The following KIRREL1 variants were observed in gnomAD, a reference collection of about 807,000 sequenced individuals.
The protein encoded by KIRREL1 is kirre like nephrin family adhesion molecule 1, also known as kin of IRRE-like protein 1.
A neutral mutation model predicts 83.3 loss-of-function variants in KIRREL1; 25 were observed. The ratio of observed to expected loss-of-function variants is 0.30; its 90% CI spans 0.22 to 0.42. The LOEUF (loss-of-function observed/expected upper bound fraction) is 0.42. Ranked by LOEUF, KIRREL1 falls within the 10% of genes least tolerant of loss-of-function variation. The probability of loss-of-function intolerance (pLI) is 1.00; values close to 1 mark genes in which losing one functional copy is unlikely to be tolerated. For missense variants in KIRREL1, 812 were observed against 1,032.3 expected (o/e 0.79, Z 2.92); for synonymous variants, 388 against 410.4 (o/e 0.95, Z 0.66).
At chr1:158,017,669 G>A (rs1191796935) in intron 1 of KIRREL1, among the ~76,000 whole-genome samples, 1 of 151,922 alleles carries the variant, frequency 6.6e-6, no homozygotes, top group East Asian at 1.9e-4. Flanking sequence ...TCCAGACTGG[G>A]TGACAGAGTG....
rs1380328731 is a variant in KIRREL1 at position 158,042,921 on chromosome 1, A to AAAAG, written c.53-33189_53-33188insGAAA. Among the ~76,000 whole-genome samples the AAAAG allele has an allele frequency of 1.2e-4, 18 of 150,606 alleles. No homozygotes were observed. The South Asian group carries it at 3.4e-3, about 28-fold the overall frequency. ...ACCCCGTCTCTACTAAAAAAAAAAA[A>AAAAG]AAAAAAATACAAAAAAATTAGCCGG... is the stretch of plus-strand genomic sequence containing the variant. On this transcript the variant is annotated intron_variant, in intron 1 of 14. Coordinates refer to ENST00000359209, the MANE Select transcript of KIRREL1 (RefSeq NM_018240.7).
rs1662284791 is a variant in KIRREL1 at position 158,094,162 on chromosome 1, G to A, written c.1720-151G>A. ...TCTGGCCTCTTCCCACCACATCCCAGAGCCTCTGCTGAGAGGACCAGAACT... is the reference window on the plus strand; with the variant it reads ...TCTGGCCTCTTCCCACCACATCCCAAAGCCTCTGCTGAGAGGACCAGAACT... On this transcript the variant is annotated intron_variant, in intron 13 of 14. Transcript: ENST00000359209. This position sits in a 1 kb window ranked among gnomAD's most constrained non-coding sequence, Gnocchi z 4.6. 4 of 702,972 alleles carry A rather than the reference G, an allele frequency of 5.7e-6. No individual in the cohort carries two copies. In the Admixed American group the frequency reaches 8.6e-5, roughly 15 times the overall value. 43.5% of individuals were successfully genotyped at this position (702,972 alleles called of 1,614,324 possible). A position where few individuals can be genotyped will look rare whatever the true frequency, so the allele number is the denominator to read the frequency against.
chr1:158,002,396 C>T (rs1321254539), intron 1 of KIRREL1, among the ~76,000 whole-genome samples: 1 of 152,202 alleles, frequency 6.6e-6, no homozygotes, highest in Non-Finnish European at 1.5e-5. Flanking sequence ...TTCCACTGGT[C>T]TGTGGCCTTA....
At chr1:158,068,782 G>A (rs1444457238) in intron 1 of KIRREL1, among the ~76,000 whole-genome samples, 1 of 151,854 alleles carries the variant, frequency 6.6e-6, no homozygotes, top group Admixed American at 6.6e-5. Flanking sequence ...TTTTCATAGA[G>A]CAAGAAGGGA....
intron 1 of KIRREL1, among the ~76,000 whole-genome samples, chr1:158,020,600 C>CAAAAG (rs1659978430): frequency 1.2e-5 from 1 of 83,678 alleles, no homozygotes; most frequent in Non-Finnish European, 2.1e-5. Flanking sequence ...TACAGTAAAT[C>CAAAAG]AAAAAAAAAA....
chr1:158,090,505 GCCCGGGCAGCAGGCGGCTGGCCT>G (rs1662164185), intron 10 of KIRREL1, among the ~76,000 whole-genome samples: 1 of 152,134 alleles, frequency 6.6e-6, no homozygotes, highest in South Asian at 2.1e-4. Context: ...TACCACGGCC[GCCCGGGCAGCAGGCGGCTGGCCT>G]CCCGGGGGGC....
At chr1:158,038,245 G>C (rs1307770406) in intron 1 of KIRREL1, among the ~76,000 whole-genome samples, 1 of 152,182 alleles carries the variant, frequency 6.6e-6, no homozygotes, top group Non-Finnish European at 1.5e-5. Context: ...AATGTTTATT[G>C]AGTCTTCCAC....
intron 1 of KIRREL1, among the ~76,000 whole-genome samples, chr1:158,012,491 T>C (rs905546695): frequency 3.3e-5 from 5 of 152,258 alleles, no homozygotes; most frequent in Admixed American, 3.3e-4. Context: ...CCTGAGACAC[T>C]GTAAGCCAGT....
rs759651097 is a variant in KIRREL1, at chr1:158,078,025, C to T, written c.237C>T (p.Asp79=). The change falls in exon 3 of 15, where the codon GAC becomes GAT. Residue 79 remains aspartate (D), a synonymous_variant. Transcript: ENST00000359209. ...WPRYRVVGSA[D]AGQYNLEITD... Reference sequence around the variant, plus strand: ...GGTACCGGGTTGTGGGCTCCGCAGACGCTGGGCAGTACAACCTGGAGATCA... The same window carrying T: ...GGTACCGGGTTGTGGGCTCCGCAGATGCTGGGCAGTACAACCTGGAGATCA... 14 of 1,614,168 alleles carry T rather than the reference C, an allele frequency of 8.7e-6. No individual in the cohort carries two copies. Among genetic ancestry groups the T allele is most frequent in the South Asian group, 4.4e-5 (4 of 91,070 alleles).
chr1:158,082,542 G>A (rs1264706020), intron 3 of KIRREL1, among the ~76,000 whole-genome samples: 1 of 152,210 alleles, frequency 6.6e-6, no homozygotes, highest in Non-Finnish European at 1.5e-5. Context: ...TTCTAGAACA[G>A]CCCTGTCCAC....
At chr1:157,996,938 T>C (rs1352336830) in intron 1 of KIRREL1, among the ~76,000 whole-genome samples, 1 of 152,308 alleles carries the variant, frequency 6.6e-6, no homozygotes, top group East Asian at 1.9e-4. Flanking sequence ...CTCTGCTCCT[T>C]CCCACAGCTG....
chr1:158,038,483 CT>C (rs1660533772), intron 1 of KIRREL1, among the ~76,000 whole-genome samples: 1 of 128,250 alleles, frequency 7.8e-6, no homozygotes, highest in Non-Finnish European at 1.6e-5. Flanking sequence ...GTGGCTCTTC[CT>C]CTTTTTTTTT....
In KIRREL1 at chr1:158,087,843, C is replaced by A. The variant is rs36008419; in HGVS notation, c.750C>A (p.Pro250=). The A allele has an allele frequency of 1.9e-6, 3 of 1,613,392 alleles. No individual in the cohort carries two copies. Among genetic ancestry groups the A allele is most frequent in the Admixed American group, 1.7e-5 (1 of 59,936 alleles). ...VVFTCQATAN[P]EILGYRWAKG... is the part of the protein sequence containing the mutation. ...TTACCTGCCAGGCCACAGCCAACCC[C>A]GAGATCTTGGGCTACAGGTGAGGGG... is the stretch of plus-strand genomic sequence containing the variant. Residue 250 remains proline, a synonymous_variant, in exon 6 of 15, where the codon CCC becomes CCA. Coordinates refer to ENST00000359209, the MANE Select transcript of KIRREL1 (RefSeq NM_018240.7).
At chr1:158,076,045 T>C in intron 1 of KIRREL1, 68 bp from the exon 2 acceptor site, 1 of 1,429,982 alleles carries the variant, frequency 7.0e-7, no homozygotes, top group Non-Finnish European at 9.5e-7. Context: ...AGCTGCATGG[T>C]GAGGGGGACC....
chr1:158,061,944 CTCTT>C (rs1276093872), intron 1 of KIRREL1, among the ~76,000 whole-genome samples: 2 of 152,156 alleles, frequency 1.3e-5, no homozygotes, highest in African/African-American at 2.4e-5. Flanking sequence ...AGGTTGCTCT[CTCTT>C]TCTGCTAATA....
chr1:158,002,810 G>A (rs1167754039), intron 1 of KIRREL1, among the ~76,000 whole-genome samples: 1 of 152,132 alleles, frequency 6.6e-6, no homozygotes, highest in African/African-American at 2.4e-5. Flanking sequence ...CTGGAATGTG[G>A]TGCCACGAGA....
At chr1:158,008,944 G>A (rs1363496813) in intron 1 of KIRREL1, among the ~76,000 whole-genome samples, 1 of 151,936 alleles carries the variant, frequency 6.6e-6, no homozygotes, top group Non-Finnish European at 1.5e-5. Context: ...CATTCCTGCT[G>A]GGCCCTCCCC....
chr1:158,095,194 G>GAACA lies in KIRREL1; in HGVS notation c.*74_*75insAACA. The GAACA allele has an allele frequency of 2.7e-6, 3 of 1,101,724 alleles. No individual in the cohort carries two copies. Among genetic ancestry groups the GAACA allele is most frequent in the African/African-American group, 1.6e-5 (1 of 64,314 alleles). 68.2% of individuals were successfully genotyped at this position (1,101,724 alleles called of 1,614,324 possible). A position where few individuals can be genotyped will look rare whatever the true frequency, so the allele number is the denominator to read the frequency against. On this transcript the variant is annotated 3_prime_UTR_variant, in exon 15 of 15. Transcript: ENST00000359209. ...TCACAGCTGTTCCCTGATATTCAGG[G>GAACA]GCATTGCTCATTGCTCCCTTCTCGG... is the stretch of plus-strand genomic sequence containing the variant.
intron 1 of KIRREL1, among the ~76,000 whole-genome samples, chr1:158,003,728 C>T (rs748782277): frequency 2.4e-4 from 37 of 151,560 alleles, no homozygotes; most frequent in Non-Finnish European, 4.4e-4. Flanking sequence ...AGGCAGTGGG[C>T]GAAGTGAGAA....
Sources: gnomAD v4.1 joint callset for allele counts (sites outside exome capture counted in the v4.1 genomes callset) on GRCh38, gnomAD v4.1.1 for gene constraint, Gnocchi (gnomAD v3.1) non-coding constraint, MANE v1.5 for transcripts, NCBI Gene and HGNC (gene_info 2026-07-23, HGNC 2026-07-21) for gene names.